The following POM121 variants were observed in gnomAD, a reference collection of about 807,000 sequenced individuals.
The protein encoded by POM121 is nuclear envelope pore membrane protein POM 121.
POM121 carries 32 observed loss-of-function variants against 81.3 expected under a neutral mutation model. That is an observed-to-expected ratio of 0.39 (90% CI 0.30 to 0.53). The LOEUF (loss-of-function observed/expected upper bound fraction) is 0.53, where lower values mean the gene tolerates loss of function less well. Among genes scored for constraint, POM121 ranks in the 20% least tolerant of loss-of-function variants. The pLI is 0.66. For synonymous variants in POM121, 514 were observed against 694.2 expected, an observed-to-expected ratio of 0.74 and a Z score of 4.08; for missense variants, 1,138 against 1,614.6, an observed-to-expected ratio of 0.70 and a Z score of 5.06.
chr7:72,926,477 T>C lies in POM121; in HGVS notation c.860T>C (p.Ile287Thr). 6.2e-7 allele frequency: 1 copy of C among 1,614,034 alleles called. No homozygotes were observed. The highest frequency in any genetic ancestry group is 8.5e-7 in the Non-Finnish European group (1 of 1,179,876). The change falls in exon 2 of 13, where the codon ATA (isoleucine) becomes ACA (threonine). Residue 287 changes from isoleucine to threonine, a missense_variant and splice_region_variant. Coordinates refer to ENST00000434423, the MANE Select transcript of POM121 (RefSeq NM_001387691.1). ...GACAGAAGATTTTCGCGTTCTGCGA[T>C]GTGAGTATTATCGTTGGAAGAATAC... ...PPDRRFSRSA[I>T]PEQIISSTLS... is the part of the protein sequence containing the mutation.
At position 72,948,026 on chromosome 7, in the gene POM121, C is replaced by T. The variant is rs1393663755; in HGVS notation, c.*1792C>T. ...GGTGGGCCTGGGCCTAGCAATCAAG[C>T]TTCTACCTGTACCTTATGTAAGGTA... is the stretch of plus-strand genomic sequence containing the variant. On this transcript the variant is annotated 3_prime_UTR_variant, in exon 13 of 13. Transcript: ENST00000434423. The T allele has an allele frequency of 3.7e-4, 435 of 1,172,434 alleles. 3 individuals carry two copies. The highest frequency in any genetic ancestry group is 4.4e-4 in the Non-Finnish European group (412 of 942,460). The allele number at this position is 1,172,434 out of a possible 1,614,324, so 72.6% of individuals were successfully genotyped here.
intron 6 of POM121, 102 bp from the exon 7 acceptor site, chr7:72,939,234 T>C (rs1796822822): frequency 6.8e-7 from 1 of 1,474,586 alleles, no homozygotes; most frequent in Admixed American, 2.3e-5. Context: ...ATGATGGTTG[T>C]TTTAGACATT....
At chr7:72,883,104 A>C (rs2129574360) in intron 1 of POM121, among the ~76,000 whole-genome samples, 1 of 152,234 alleles carries the variant, frequency 6.6e-6, no homozygotes, top group South Asian at 2.1e-4. Flanking sequence ...TAGAGACGTG[A>C]TCACAACTCA....
downstream of POM121, chr7:72,949,734 A>G (rs2868102): frequency 2.8e-5 from 22 of 773,190 alleles, no homozygotes; most frequent in South Asian, 1.0e-4. Flanking sequence ...ACCGTGAACT[A>G]CTTTGGTGCA....
intron 1 of POM121, among the ~76,000 whole-genome samples, chr7:72,889,629 C>T (rs1199765740): frequency 6.6e-6 from 1 of 152,172 alleles, no homozygotes; most frequent in Non-Finnish European, 1.5e-5. Context: ...GCCTTAGCTT[C>T]CCAAGTAGCT....
chr7:72,883,416 A>C (rs1183610346), intron 1 of POM121, among the ~76,000 whole-genome samples: 1 of 152,154 alleles, frequency 6.6e-6, no homozygotes, highest in Non-Finnish European at 1.5e-5. Context: ...GGCCTCCCAA[A>C]GTGGTAGGAT....
chr7:72,925,622 T>C lies in POM121; in HGVS notation c.501T>C (p.Pro167=), dbSNP rs1295052582. ...DLRDRPGRRP[P]ARPAPRSPPP... ...GGGATAGGCCTGGCCGCCGCCCACCTGCCCGCCCGGCGCCGCGCTCCCCAC... is the reference window on the plus strand; with the variant it reads ...GGGATAGGCCTGGCCGCCGCCCACCCGCCCGCCCGGCGCCGCGCTCCCCAC... The change falls in exon 1 of 13, where the codon CCT becomes CCC. Residue 167 remains proline (P), a synonymous_variant. Coordinates refer to ENST00000434423, the MANE Select transcript of POM121 (RefSeq NM_001387691.1). 19 of 1,293,106 alleles carry C rather than the reference T, an allele frequency of 1.5e-5. No homozygotes were observed. In the South Asian group the frequency reaches 3.8e-4, roughly 26 times the overall value. 80.1% of individuals were successfully genotyped at this position (1,293,106 alleles called of 1,614,324 possible).
chr7:72,926,271 G>A lies in POM121; in HGVS notation c.654G>A (p.Gly218=), dbSNP rs781956906. 19 of 1,559,190 alleles carry A rather than the reference G, an allele frequency of 1.2e-5. No individual in the cohort carries two copies. The highest frequency in any genetic ancestry group is 1.7e-5 in the Non-Finnish European group (19 of 1,150,898). The stretch of plus-strand genomic sequence containing the variant: ...CTCGCATTCTCTGCAGGGATTGTGG[G>A]ACTTTACCAAATCGGTTTGTAATAA... ...PSRRPSPRDC[G]TLPNRFVITP... is the part of the protein sequence containing the mutation. The change falls in exon 2 of 13, where the codon GGG becomes GGA. Residue 218 remains glycine (G), a synonymous_variant. Coordinates refer to ENST00000434423, the MANE Select transcript of POM121 (RefSeq NM_001387691.1).
At chr7:72,880,056 T>C (rs1458432703) in intron 1 of POM121, among the ~76,000 whole-genome samples, 3 of 152,126 alleles carry the variant, frequency 2.0e-5, no homozygotes, top group Non-Finnish European at 2.9e-5. Context: ...CATGGGAAGA[T>C]CTGGGAGGAC....
At chr7:72,926,596 G>T in intron 2 of POM121, 119 bp downstream of exon 2, 1 of 1,519,450 alleles carries the variant, frequency 6.6e-7, no homozygotes, top group Non-Finnish European at 8.9e-7. Context: ...TATTTGATGA[G>T]AAATACCAAA....
At chr7:72,945,802 T>A in intron 12 of POM121, 94 bp downstream of exon 12, 1 of 1,506,660 alleles carries the variant, frequency 6.6e-7, no homozygotes, top group Admixed American at 2.2e-5. Flanking sequence ...CCGGTGAAGA[T>A]CAGGTTCAGC....
downstream of POM121, chr7:72,948,771 G>A (rs1249979983): frequency 1.3e-6 from 2 of 1,581,366 alleles, no homozygotes; most frequent in East Asian, 2.2e-5. Flanking sequence ...AACGTGCTCA[G>A]GCCTCGGTGG....
chr7:72,934,438 A>T (rs1796319967), intron 5 of POM121, among the ~76,000 whole-genome samples: 1 of 152,160 alleles, frequency 6.6e-6, no homozygotes, highest in Non-Finnish European at 1.5e-5. Flanking sequence ...TATGTTCTAG[A>T]TACAAGCTGT....
intron 9 of POM121, 110 bp from the exon 10 acceptor site, chr7:72,940,707 T>C (rs1209952534): frequency 6.4e-7 from 1 of 1,550,716 alleles, no homozygotes; most frequent in Non-Finnish European, 8.8e-7. Context: ...ACCACTGCAA[T>C]TGAGGGCAGG....
intron 3 of POM121, among the ~76,000 whole-genome samples, chr7:72,907,678 T>A (rs1238531309): frequency 3.3e-5 from 5 of 152,128 alleles, no homozygotes; most frequent in African/African-American, 1.2e-4. Flanking sequence ...GCCTGGCTAA[T>A]TTTTATATTT....
chr7:72,893,038 A>G (rs571330509), intron 3 of POM121, among the ~76,000 whole-genome samples: 26 of 151,788 alleles, frequency 1.7e-4, no homozygotes, highest in Non-Finnish European at 3.1e-4. Context: ...GGCTCACGAT[A>G]ACCTCTGCCT....
chr7:72,939,782 G>C, intron 7 of POM121, 65 bp from the exon 8 acceptor site: 1 of 1,610,746 alleles, frequency 6.2e-7, no homozygotes, highest in Non-Finnish European at 8.5e-7. Flanking sequence ...TGCGAAGTGG[G>C]TAGACACAAC....
rs1554502462 is a variant in POM121 at position 72,943,447 on chromosome 7, C to G, written c.3454C>G (p.Leu1152Val). 1 of 1,612,938 alleles carries G rather than the reference C, an allele frequency of 6.2e-7. No homozygotes were observed. Among genetic ancestry groups the G allele is most frequent in the East Asian group, 2.2e-5 (1 of 44,842 alleles). ...CGCAGGGGGCTTAGGTCAGAACGCC[C>G]TGGGCACCACCGGCCAGAGCACACC... ...PFAGGLGQNA[L>V]GTTGQSTPFA... The change falls in exon 11 of 13, where the codon CTG (leucine) becomes GTG (valine). Residue 1152 changes from leucine (L) to valine (V), a missense_variant. Physicochemically the swap from Leu to Val is conservative, Grantham distance 32 (BLOSUM62 1). Around this residue, in one of 7 missense-constraint regions of POM121, gnomAD observed 336 missense variants for 344.3 expected, o/e 0.98. Coordinates refer to ENST00000434423, the MANE Select transcript of POM121 (RefSeq NM_001387691.1).
At chr7:72,949,545 G>A (rs1379827409), downstream of POM121, 3 of 767,888 alleles carry the variant, frequency 3.9e-6, no homozygotes, top group Non-Finnish European at 6.7e-6. Flanking sequence ...GCAGCTAAGG[G>A]CCTGTCACAG....
Sources: gnomAD v4.1 joint callset for allele counts (sites outside exome capture counted in the v4.1 genomes callset) on GRCh38, gnomAD v4.1.1 for gene constraint, gnomAD v4.1.1 regional missense constraint, MANE v1.5 for transcripts, NCBI Gene and HGNC (gene_info 2026-07-23, HGNC 2026-07-21) for gene names.